Variants in NFASC observed in about 807,000 individuals in gnomAD.
NFASC encodes the protein neurofascin.
A neutral mutation model predicts 147.5 loss-of-function variants in NFASC; 43 were observed. That is an observed-to-expected ratio of 0.29 (90% CI 0.23 to 0.38). The LOEUF (loss-of-function observed/expected upper bound fraction) is 0.38, where lower values mean the gene tolerates loss of function less well. Among genes scored for constraint, NFASC ranks in the 10% least tolerant of loss-of-function variants. NFASC has a pLI of 1.00. For missense variants in NFASC, 1,320 were observed against 1,689.0 expected (o/e 0.78, Z 3.83); for synonymous variants, 622 against 665.5 (o/e 0.93, Z 1.01).
intron 1 of NFASC, among the ~76,000 whole-genome samples, chr1:204,884,845 TAAAG>T (rs1380356246): frequency 2.0e-5 from 3 of 151,848 alleles, no homozygotes; most frequent in Non-Finnish European, 4.4e-5. Flanking sequence ...CTATGGGAAA[TAAAG>T]AGAGTGCCAC....
chr1:204,973,166 G>A, intron 11 of NFASC, 110 bp from the exon 12 acceptor site: 2 of 1,171,936 alleles, frequency 1.7e-6, no homozygotes, highest in Non-Finnish European at 1.2e-6. Flanking sequence ...CCCCCATCTG[G>A]TGCTCCCCAC....
intron 24 of NFASC, 62 bp from the exon 25 acceptor site, chr1:204,997,108 G>A (rs958960682): frequency 1.2e-4 from 186 of 1,561,430 alleles, no homozygotes; most frequent in Admixed American, 3.7e-4. Context: ...CGCGGGGGCC[G>A]TGTGTCCAGG....
At chr1:205,014,841 T>C (rs1022256399) in intron 29 of NFASC, among the ~76,000 whole-genome samples, 4 of 152,046 alleles carry the variant, frequency 2.6e-5, no homozygotes, top group Non-Finnish European at 5.9e-5. Context: ...TAGAGGGCCC[T>C]GGAAAGGAGT....
intron 1 of NFASC, among the ~76,000 whole-genome samples, chr1:204,893,668 A>G (rs1458584274): frequency 6.6e-6 from 1 of 152,250 alleles, no homozygotes; most frequent in Non-Finnish European, 1.5e-5. Flanking sequence ...TTGTCGAATT[A>G]GATGAAGTTG....
chr1:204,848,291 C>A (rs551179907), intron 1 of NFASC, among the ~76,000 whole-genome samples: 1 of 152,142 alleles, frequency 6.6e-6, no homozygotes, highest in African/African-American at 2.4e-5. Context: ...AGTGCAGTGG[C>A]GCAATTACAG....
intron 1 of NFASC, among the ~76,000 whole-genome samples, chr1:204,830,529 G>A (rs898559691): frequency 9.9e-5 from 15 of 152,098 alleles, no homozygotes; most frequent in South Asian, 2.1e-4. Context: ...CTGGCACTTC[G>A]GAGGGAGTAA....
At chr1:204,829,096 A>C (rs1175801638) in intron 1 of NFASC, among the ~76,000 whole-genome samples, 1 of 119,046 alleles carries the variant, frequency 8.4e-6, no homozygotes, top group African/African-American at 3.4e-5. Context: ...TCCCCGCCTC[A>C]TCCGTGAGCC....
At chr1:204,924,536 G>A (rs1425649149) in intron 2 of NFASC, among the ~76,000 whole-genome samples, 2 of 152,192 alleles carry the variant, frequency 1.3e-5, no homozygotes, top group Non-Finnish European at 2.9e-5. Flanking sequence ...GACATTGGTG[G>A]AAGAAGCTGG....
At chr1:204,913,240 T>G (rs897617870) in intron 1 of NFASC, among the ~76,000 whole-genome samples, 2 of 152,178 alleles carry the variant, frequency 1.3e-5, no homozygotes, top group Non-Finnish European at 2.9e-5. Flanking sequence ...TATCACATTC[T>G]TAGAGTCAAC....
chr1:204,830,006 GGTGTGTGTGTGTGTGT>G (rs58294218), intron 1 of NFASC, among the ~76,000 whole-genome samples: 247 of 144,098 alleles, frequency 1.7e-3, no homozygotes, highest in African/African-American at 6.0e-3. Flanking sequence ...TTTGGCATGG[GGTGTGTGTGTGTGTGT>G]GTGTGTGTGT....
At chr1:204,865,721 T>A (rs1483730234) in intron 1 of NFASC, among the ~76,000 whole-genome samples, 1 of 152,202 alleles carries the variant, frequency 6.6e-6, no homozygotes, top group Non-Finnish European at 1.5e-5. Flanking sequence ...AGTCTCTGAC[T>A]TTATTCTTCT....
chr1:205,003,905 C>T (rs763954564), intron 27 of NFASC, among the ~76,000 whole-genome samples: 1 of 152,218 alleles, frequency 6.6e-6, no homozygotes, highest in Non-Finnish European at 1.5e-5. Context: ...CTGTCCTGCA[C>T]ATTTGCATGC....
chr1:204,948,556 T>C (rs2093927911), intron 3 of NFASC: 3 of 518,016 alleles, frequency 5.8e-6, no homozygotes, highest in African/African-American at 1.9e-5. Flanking sequence ...CTCGCTCACC[T>C]CTCTGGCCAA....
chr1:204,835,088 A>C (rs1038820998), intron 1 of NFASC, among the ~76,000 whole-genome samples: 2 of 152,062 alleles, frequency 1.3e-5, no homozygotes, highest in Admixed American at 1.3e-4. Context: ...GGTAAGAGAT[A>C]TGTGTCCAAA....
chr1:204,989,060 C>T, intron 23 of NFASC: 1 of 540,410 alleles, frequency 1.9e-6, no homozygotes, highest in South Asian at 2.3e-5. Flanking sequence ...AGTCACTTGA[C>T]ATCTATCATC....
chr1:204,972,345 T>A (rs559433895), intron 11 of NFASC, among the ~76,000 whole-genome samples: 17 of 152,360 alleles, frequency 1.1e-4, no homozygotes, highest in African/African-American at 3.8e-4. Flanking sequence ...GGCAATTCTT[T>A]ACATTTCTAG....
chr1:204,953,286 T>TTTTG (rs200829445), intron 5 of NFASC, among the ~76,000 whole-genome samples: 3,292 of 152,184 alleles, frequency 0.022, 77 homozygotes, highest in African/African-American at 0.056. Context: ...GCCACTGTTT[T>TTTTG]TTTGTTTGTT....
intron 2 of NFASC, among the ~76,000 whole-genome samples, chr1:204,921,278 C>T (rs1200986801): frequency 6.6e-6 from 1 of 152,210 alleles, no homozygotes; most frequent in Non-Finnish European, 1.5e-5. Flanking sequence ...GCTGCCACTC[C>T]CAGCAACTCC....
chr1:205,003,475 A>T (rs1365531449), intron 27 of NFASC, among the ~76,000 whole-genome samples: 2 of 152,168 alleles, frequency 1.3e-5, no homozygotes, highest in African/African-American at 4.8e-5. Flanking sequence ...TCTCTGTGCT[A>T]GTAGGGGTAG....
Sources: allele counts gnomAD v4.1 joint callset (sites outside exome capture counted in the v4.1 genomes callset), GRCh38; gene constraint gnomAD v4.1.1; transcripts MANE v1.5; gene names NCBI Gene and HGNC (gene_info 2026-07-23, HGNC 2026-07-21).